The following PTPRG variants were observed in gnomAD, a reference collection of about 807,000 sequenced individuals.
PTPRG encodes protein tyrosine phosphatase receptor type G.
Under a neutral mutation model 165.3 loss-of-function variants are expected in PTPRG, and 102 were observed. The ratio of observed to expected loss-of-function variants is 0.62; its 90% CI spans 0.53 to 0.73. The LOEUF (loss-of-function observed/expected upper bound fraction) is 0.73. Among genes scored for constraint, PTPRG ranks in the 30% least tolerant of loss-of-function variants. The probability of loss-of-function intolerance (pLI) is 0.00; values close to 1 mark genes in which losing one functional copy is unlikely to be tolerated. For missense variants in PTPRG, 1,866 were observed against 1,861.4 expected (o/e 1.00, Z -0.05); for synonymous variants, 675 against 669.5 (o/e 1.01, Z -0.13).
intron 2 of PTPRG, among the ~76,000 whole-genome samples, chr3:61,869,805 T>G (rs1405232252): frequency 6.6e-6 from 1 of 152,106 alleles, no homozygotes; most frequent in Non-Finnish European, 1.5e-5. Context: ...TTTCCCATGT[T>G]TCCCAGGCTG....
chr3:62,124,241 T>A, intron 5 of PTPRG: 1 of 1,250,710 alleles, frequency 8.0e-7, no homozygotes, highest in Non-Finnish European at 1.2e-6. Flanking sequence ...TGACATTAAC[T>A]CCGAAGGGAA....
intron 2 of PTPRG, among the ~76,000 whole-genome samples, chr3:61,799,674 C>T (rs1231911942): frequency 1.3e-5 from 2 of 152,162 alleles, no homozygotes; most frequent in Non-Finnish European, 2.9e-5. Flanking sequence ...TACTTGTTTT[C>T]AACACAATTT....
intron 5 of PTPRG, among the ~76,000 whole-genome samples, chr3:62,089,888 A>G (rs1701872980): frequency 1.3e-5 from 2 of 152,228 alleles, no homozygotes; most frequent in Admixed American, 1.3e-4. Context: ...AGAATTACTT[A>G]TGCATTTTTA....
At chr3:61,947,469 A>T (rs1303880552) in intron 2 of PTPRG, among the ~76,000 whole-genome samples, 3 of 152,210 alleles carry the variant, frequency 2.0e-5, no homozygotes, top group Non-Finnish European at 1.5e-5. Context: ...CAGTGAAGGA[A>T]TGTCAGTGAT....
At chr3:61,859,359 C>T (rs139924799) in intron 2 of PTPRG, among the ~76,000 whole-genome samples, 1,718 of 152,110 alleles carry the variant, frequency 0.011, 37 homozygotes, top group African/African-American at 0.039. Context: ...GTTAATGTCA[C>T]GGTGTTAGTA....
intron 1 of PTPRG, among the ~76,000 whole-genome samples, chr3:61,580,239 T>C (rs1468562459): frequency 6.6e-6 from 1 of 152,068 alleles, no homozygotes; most frequent in Non-Finnish European, 1.5e-5. Flanking sequence ...CCCAGGAGTT[T>C]GCAGCCAGTC....
intron 2 of PTPRG, among the ~76,000 whole-genome samples, chr3:61,987,325 G>T (rs981376559): frequency 4.6e-5 from 7 of 152,200 alleles, no homozygotes; most frequent in Non-Finnish European, 2.9e-5. Context: ...ATTGTTACCA[G>T]TGAATAAATG....
chr3:61,791,647 C>T (rs1476827369), intron 2 of PTPRG, among the ~76,000 whole-genome samples: 1 of 152,206 alleles, frequency 6.6e-6, no homozygotes, highest in South Asian at 2.1e-4. Context: ...GCCACCACGC[C>T]TGGCTAATGT....
At chr3:61,893,306 A>G (rs950900359) in intron 2 of PTPRG, among the ~76,000 whole-genome samples, 5 of 152,328 alleles carry the variant, frequency 3.3e-5, no homozygotes, top group Admixed American at 3.3e-4. Flanking sequence ...TGAAATCCCA[A>G]TTCCTTTGGT....
intron 1 of PTPRG, among the ~76,000 whole-genome samples, chr3:61,628,969 C>T (rs776198392): frequency 6.6e-5 from 10 of 152,118 alleles, no homozygotes; most frequent in Non-Finnish European, 1.0e-4. Flanking sequence ...TTCTCCAAGA[C>T]GGTAGGTAAT....
At chr3:62,074,158 A>G (rs1701297444) in intron 4 of PTPRG, among the ~76,000 whole-genome samples, 1 of 146,550 alleles carries the variant, frequency 6.8e-6, no homozygotes, top group African/African-American at 2.6e-5. Context: ...TTGCTCCCAG[A>G]TGATTGAGGA....
chr3:62,007,570 T>C lies in PTPRG; in HGVS notation c.519+4073T>C, dbSNP rs188828757. ...CCTAGCAGCACATTTTTCTTGAGTA[T>C]CTTCTGTTGTACCTGTGCTGGTACA... On this transcript the variant is annotated intron_variant, in intron 4 of 29. Transcript: ENST00000474889. Among the ~76,000 whole-genome samples, 8 of 152,350 alleles carry C rather than the reference T, an allele frequency of 5.3e-5. No individual in the cohort carries two copies. In the East Asian group the frequency reaches 1.5e-3, roughly 29 times the overall value.
chr3:62,109,973 C>G (rs1045625466), intron 5 of PTPRG, among the ~76,000 whole-genome samples: 14 of 152,052 alleles, frequency 9.2e-5, no homozygotes, highest in Middle Eastern at 3.2e-3. Context: ...TTCCATGTTC[C>G]TGTGACATTC....
chr3:61,837,282 A>G (rs575760560), intron 2 of PTPRG, among the ~76,000 whole-genome samples: 316 of 152,276 alleles, frequency 2.1e-3, no homozygotes, highest in African/African-American at 7.1e-3. Flanking sequence ...TCCTGACCTC[A>G]AGTGATCTGC....
intron 1 of PTPRG, among the ~76,000 whole-genome samples, chr3:61,609,377 T>C (rs1271190592): frequency 1.3e-5 from 2 of 152,190 alleles, no homozygotes; most frequent in African/African-American, 2.4e-5. Flanking sequence ...TGTTGTGCTG[T>C]TTGCTGATTT....
At chr3:62,021,649 C>T (rs1443489736) in intron 4 of PTPRG, among the ~76,000 whole-genome samples, 1 of 152,048 alleles carries the variant, frequency 6.6e-6, no homozygotes, top group Non-Finnish European at 1.5e-5. Context: ...TCTACCTTTA[C>T]CTTCGTGAAT....
intron 2 of PTPRG, among the ~76,000 whole-genome samples, chr3:61,813,589 GTGTT>G (rs1276086887): frequency 2.8e-5 from 4 of 140,622 alleles, no homozygotes; most frequent in Non-Finnish European, 1.5e-5. Flanking sequence ...GTGTGTGTGT[GTGTT>G]TAGTTGTACT....
chr3:61,948,534 G>C (rs1168642664), intron 2 of PTPRG, among the ~76,000 whole-genome samples: 3 of 152,090 alleles, frequency 2.0e-5, no homozygotes, highest in Non-Finnish European at 2.9e-5. Context: ...GGTCAAGGGT[G>C]GGTTATGTCC....
intron 2 of PTPRG, among the ~76,000 whole-genome samples, chr3:61,876,870 T>A (rs1321173697): frequency 1.3e-5 from 2 of 152,242 alleles, no homozygotes; most frequent in East Asian, 1.9e-4. Flanking sequence ...TTTATCTGCC[T>A]AAAATATTAC....
Sources: allele counts gnomAD v4.1 joint callset (sites outside exome capture counted in the v4.1 genomes callset), GRCh38; gene constraint gnomAD v4.1.1; transcripts MANE v1.5; gene names NCBI Gene and HGNC (gene_info 2026-07-23, HGNC 2026-07-21).